The following MPDZ variants were observed in gnomAD, a reference collection of about 807,000 sequenced individuals.
MPDZ encodes multiple PDZ domain crumbs cell polarity complex component.
Under a neutral mutation model 239.1 loss-of-function variants are expected in MPDZ, and 234 were observed. The observed-to-expected ratio is 0.98, with a 90% confidence interval of 0.88 to 1.09. MPDZ has a LOEUF of 1.09. MPDZ is among the 50% of genes least tolerant of loss of function. The pLI, the probability that MPDZ is intolerant of heterozygous loss-of-function variation, is 0.00. For missense variants in MPDZ, 3,175 were observed against 2,510.0 expected (o/e 1.26, Z -5.66); for synonymous variants, 1,048 against 881.3 (o/e 1.19, Z -3.35).
At chr9:13,128,305 C>T (rs1030956705) in intron 32 of MPDZ, among the ~76,000 whole-genome samples, 2 of 152,244 alleles carry the variant, frequency 1.3e-5, no homozygotes, top group South Asian at 4.1e-4. Flanking sequence ...TTCCTCCTTG[C>T]TGTCTCTCTT....
chr9:13,139,878 T>C (rs1196980346), intron 28 of MPDZ, 109 bp downstream of exon 28: 2 of 1,247,820 alleles, frequency 1.6e-6, no homozygotes, highest in African/African-American at 1.5e-5. Context: ...AATTGCAGTA[T>C]ATATCACAAA....
rs116649315 is a variant in MPDZ at position 13,254,829 on chromosome 9, C to T, written c.-57-4457G>A. Among the ~76,000 whole-genome samples, 1,106 of 152,288 alleles carry T rather than the reference C, an allele frequency of 7.3e-3. 12 individuals are homozygous for T. Among genetic ancestry groups the T allele is most frequent in the African/African-American group, 0.024 (1,009 of 41,556 alleles). Reference sequence around the variant, plus strand: ...GATCATCTGAGCCTTTGGTGAGTCACAGTCTTTGAGCTGGTGGAGGGTCTT... The same window carrying T: ...GATCATCTGAGCCTTTGGTGAGTCATAGTCTTTGAGCTGGTGGAGGGTCTT... On this transcript the variant is annotated intron_variant, in intron 1 of 46. Coordinates refer to ENST00000319217, the MANE Select transcript of MPDZ (RefSeq NM_001378778.1).
intron 1 of MPDZ, among the ~76,000 whole-genome samples, chr9:13,269,712 G>C (rs142500920): frequency 5.3e-5 from 8 of 152,266 alleles, no homozygotes; most frequent in African/African-American, 1.9e-4. Context: ...GTAGTCCTCT[G>C]CCAGCAAAGA....
intron 34 of MPDZ, among the ~76,000 whole-genome samples, chr9:13,125,889 A>C (rs962628028): frequency 3.3e-5 from 5 of 152,244 alleles, no homozygotes; most frequent in African/African-American, 1.2e-4. Flanking sequence ...TGGCCTAAAT[A>C]CTTACTAAAA....
At position 13,108,932 on chromosome 9, in the gene MPDZ, T is replaced by C. The variant is rs774587383; in HGVS notation, c.6066+4A>G. ...AAGAGGGTGGTTAAAATTTGCAAGC[T>C]TACCTTTGCAAACACTGTTTTAACA... On this transcript the variant is annotated splice_donor_region_variant and intron_variant, in intron 46 of 46. Transcript: ENST00000319217. 2 of 1,610,244 alleles carry C rather than the reference T, an allele frequency of 1.2e-6. No individual in the cohort carries two copies. Among genetic ancestry groups the C allele is most frequent in the South Asian group, 1.1e-5 (1 of 90,612 alleles).
In MPDZ at chr9:13,123,178, A is replaced by G; in HGVS notation, c.4928T>C (p.Ile1643Thr). The change falls in exon 36 of 47, where the codon ATC becomes ACC. Residue 1643 changes from isoleucine (I) to threonine (T), a missense_variant. Coordinates refer to ENST00000319217, the MANE Select transcript of MPDZ (RefSeq NM_001378778.1). ...CAGCAGCGTGTCTGAACCCCCAACG[A>G]TGCTCAGGCCCAGCCCTGTTCGCCC... is the stretch of plus-strand genomic sequence containing the variant. ...SKGRTGLGLS[I>T]VGGSDTLLGA... The G allele has an allele frequency of 6.2e-7, 1 of 1,612,650 alleles. No individual in the cohort carries two copies. The highest frequency in any genetic ancestry group is 8.5e-7 in the Non-Finnish European group (1 of 1,179,672).
intron 23 of MPDZ, among the ~76,000 whole-genome samples, chr9:13,162,191 G>A (rs10732332): frequency 2.0e-5 from 3 of 151,794 alleles, no homozygotes; most frequent in Non-Finnish European, 2.9e-5. Flanking sequence ...ATGAACCCAG[G>A]AGGTAGAGGC....
chr9:13,164,340 C>T (rs1309635404), intron 22 of MPDZ, among the ~76,000 whole-genome samples: 1 of 151,896 alleles, frequency 6.6e-6, no homozygotes, highest in African/African-American at 2.4e-5. Flanking sequence ...TTTAGCCCTT[C>T]AAATAATACA....
chr9:13,117,194 T>A (rs568057465), intron 39 of MPDZ, among the ~76,000 whole-genome samples: 1 of 152,160 alleles, frequency 6.6e-6, no homozygotes, highest in African/African-American at 2.4e-5. Flanking sequence ...TATTTTACTA[T>A]ACTCTGGGCA....
intron 8 of MPDZ, 87 bp from the exon 9 acceptor site, chr9:13,217,381 A>AT: frequency 1.1e-6 from 1 of 870,428 alleles, no homozygotes; most frequent in Non-Finnish European, 1.8e-6. Flanking sequence ...AAAAACCATG[A>AT]TAAAATAAAG....
At position 13,261,752 on chromosome 9, in the gene MPDZ, C is replaced by G. The variant is rs147328082; in HGVS notation, c.-57-11380G>C. ...CCACTGTTAAAACAAAGGTAACTGA[C>G]AGAGTATGGTGGCTCATACCTGTAA... is the stretch of plus-strand genomic sequence containing the variant. On this transcript the variant is annotated intron_variant, in intron 1 of 46. Coordinates refer to ENST00000319217, the MANE Select transcript of MPDZ (RefSeq NM_001378778.1). 2.1e-3 allele frequency among the ~76,000 whole-genome samples: 313 copies of G among 151,204 alleles called. 3 individuals are homozygous for G. The highest frequency in any genetic ancestry group is 7.3e-3 in the African/African-American group (302 of 41,144).
intron 1 of MPDZ, among the ~76,000 whole-genome samples, chr9:13,256,811 A>G (rs574834298): frequency 6.6e-6 from 1 of 152,258 alleles, no homozygotes; most frequent in Non-Finnish European, 1.5e-5. Flanking sequence ...ACACAGACAC[A>G]AAGTAAGCAT....
intron 1 of MPDZ, among the ~76,000 whole-genome samples, chr9:13,253,693 G>A (rs1192976495): frequency 6.6e-6 from 1 of 152,148 alleles, no homozygotes; most frequent in East Asian, 1.9e-4. Flanking sequence ...CAAGTTCTGA[G>A]GAATTTTCTT....
At chr9:13,242,970 C>A (rs942394671) in intron 3 of MPDZ, among the ~76,000 whole-genome samples, 2 of 152,176 alleles carry the variant, frequency 1.3e-5, no homozygotes, top group African/African-American at 4.8e-5. Context: ...GAATGGAGAG[C>A]ATAAAATAAT....
At chr9:13,275,359 A>C (rs530482584) in intron 1 of MPDZ, among the ~76,000 whole-genome samples, 18 of 152,240 alleles carry the variant, frequency 1.2e-4, no homozygotes, top group Admixed American at 3.9e-4. Context: ...CATGTGAAGA[A>C]ACAGGGAGAA....
At chr9:13,216,693 G>T in intron 10 of MPDZ, 81 bp downstream of exon 10, 2 of 1,013,932 alleles carry the variant, frequency 2.0e-6, no homozygotes, top group Non-Finnish European at 2.9e-6. Flanking sequence ...GTTAACTCTA[G>T]CTCTCAAAAC....
intron 21 of MPDZ, among the ~76,000 whole-genome samples, chr9:13,170,784 G>T (rs2133979048): frequency 6.6e-6 from 1 of 152,252 alleles, no homozygotes; most frequent in South Asian, 2.1e-4. Context: ...AGCTATTAAG[G>T]CTGTCAGGTC....
chr9:13,210,786 A>C (rs984998767), intron 10 of MPDZ, among the ~76,000 whole-genome samples: 4 of 152,130 alleles, frequency 2.6e-5, no homozygotes, highest in Non-Finnish European at 5.9e-5. Flanking sequence ...AGAGTCAGCT[A>C]CGTTAAAAAT....
At chr9:13,110,781 C>T in intron 43 of MPDZ, 41 bp from the exon 44 acceptor site, 1 of 1,483,910 alleles carries the variant, frequency 6.7e-7, no homozygotes, top group Non-Finnish European at 9.3e-7. Flanking sequence ...CTAAAGCAGC[C>T]ATGGAGAGTG....
Sources: allele counts gnomAD v4.1 joint callset (sites outside exome capture counted in the v4.1 genomes callset), GRCh38; gene constraint gnomAD v4.1.1; transcripts MANE v1.5; gene names NCBI Gene and HGNC (gene_info 2026-07-23, HGNC 2026-07-21).